PTPN13: variants seen among roughly 807,000 people sequenced by gnomAD.
The protein encoded by PTPN13 is protein tyrosine phosphatase non-receptor type 13.
Under a neutral mutation model 284.0 loss-of-function variants are expected in PTPN13, and 191 were observed. The observed-to-expected ratio is 0.67, with a 90% confidence interval of 0.60 to 0.76. PTPN13 has a LOEUF of 0.76. PTPN13 is among the 30% of genes least tolerant of loss of function. PTPN13 has a pLI of 0.00. For missense variants in PTPN13, 2,797 were observed against 2,939.9 expected (o/e 0.95, Z 1.12); for synonymous variants, 986 against 1,022.3 (o/e 0.96, Z 0.68).
At chr4:86,791,132 C>T (rs952941908) in intron 40 of PTPN13, among the ~76,000 whole-genome samples, 1 of 152,130 alleles carries the variant, frequency 6.6e-6, no homozygotes, top group Admixed American at 6.6e-5. Flanking sequence ...AATGGTATAC[C>T]CCTGACCAAA....
chr4:86,742,959 A>T (rs1736319732), intron 16 of PTPN13, among the ~76,000 whole-genome samples: 1 of 152,228 alleles, frequency 6.6e-6, no homozygotes, highest in Non-Finnish European at 1.5e-5. Flanking sequence ...GGAATAGAGA[A>T]TAGTTTGCAT....
intron 33 of PTPN13, among the ~76,000 whole-genome samples, 186 bp from the exon 34 acceptor site, chr4:86,774,985 G>A (rs1230859042): frequency 6.6e-6 from 1 of 152,048 alleles, no homozygotes; most frequent in Non-Finnish European, 1.5e-5. Context: ...TCATTGTAAT[G>A]GCTTGATCGT....
At chr4:86,725,780 C>A (rs1014790979) in intron 10 of PTPN13, among the ~76,000 whole-genome samples, 1 of 149,530 alleles carries the variant, frequency 6.7e-6, no homozygotes, top group Non-Finnish European at 1.5e-5. Flanking sequence ...CCTGTTCACG[C>A]TGATGGTAGT....
chr4:86,660,416 CTT>C (rs901039528), intron 2 of PTPN13, among the ~76,000 whole-genome samples: 1 of 151,468 alleles, frequency 6.6e-6, no homozygotes, highest in African/African-American at 2.4e-5. Flanking sequence ...AAAAAAAAGA[CTT>C]TATAGGAAAT....
At chr4:86,752,619 ATAGTAAATACTC>A (rs1737523985) in intron 19 of PTPN13, among the ~76,000 whole-genome samples, 1 of 152,166 alleles carries the variant, frequency 6.6e-6, no homozygotes, top group Non-Finnish European at 1.5e-5. Context: ...CCGAAGGAAA[ATAGTAAATACTC>A]TATAGAAAAC....
intron 15 of PTPN13, among the ~76,000 whole-genome samples, 167 bp downstream of exon 15, chr4:86,735,913 AG>A (rs1735441551): frequency 6.6e-6 from 1 of 152,178 alleles, no homozygotes; most frequent in Admixed American, 6.6e-5. Flanking sequence ...TTTGTAAAAG[AG>A]GGAAATGAGG....
At chr4:86,740,478 G>C (rs370799962) in intron 15 of PTPN13, among the ~76,000 whole-genome samples, 2 of 152,092 alleles carry the variant, frequency 1.3e-5, no homozygotes, top group African/African-American at 4.8e-5. Flanking sequence ...GGGACACAGG[G>C]CACCAAGTCC....
intron 5 of PTPN13, among the ~76,000 whole-genome samples, chr4:86,692,476 C>T (rs1159495979): frequency 1.3e-5 from 2 of 152,018 alleles, no homozygotes; most frequent in East Asian, 1.9e-4. Context: ...GTGGTATGTG[C>T]GAGTTTGTGT....
At chr4:86,654,978 C>A (rs1243582797) in intron 2 of PTPN13, among the ~76,000 whole-genome samples, 1 of 152,130 alleles carries the variant, frequency 6.6e-6, no homozygotes, top group Non-Finnish European at 1.5e-5. Context: ...TTGAATTGAT[C>A]CCTTCAACAT....
chr4:86,807,477 G>A lies in PTPN13; in HGVS notation c.6746-83G>A. 6.8e-6 allele frequency: 7 copies of A among 1,027,006 alleles called. No individual in the cohort carries two copies. The South Asian group carries it at 1.1e-4, about 17-fold the overall frequency. The allele number at this position is 1,027,006 out of a possible 1,614,324, so 63.6% of individuals were successfully genotyped here. ...ATCTGTGACTATGAGAATTTCTCAT[G>A]ATCTTTGACTCATGCAATTTGTAAG... On this transcript the variant is annotated intron_variant, in intron 44 of 47. Transcript: ENST00000411767.
intron 26 of PTPN13, 133 bp downstream of exon 26, chr4:86,765,621 A>G (rs1401945631): frequency 3.3e-6 from 2 of 611,680 alleles, no homozygotes; most frequent in East Asian, 2.9e-5. Context: ...AAACTGTAGC[A>G]TTAAGAAACT....
At chr4:86,765,329 T>G in intron 25 of PTPN13, 66 bp from the exon 26 acceptor site, 205 of 1,188,480 alleles carry the variant, frequency 1.7e-4, no homozygotes, top group Non-Finnish European at 2.2e-4. Flanking sequence ...TTTCTAGGCC[T>G]GAGATTTGAA....
At position 86,735,754 on chromosome 4, in the gene PTPN13, T is replaced by C. The variant is rs770425070; in HGVS notation, c.2304+8T>C. The C allele has an allele frequency of 3.1e-6, 5 of 1,605,378 alleles. No homozygotes were observed. Among genetic ancestry groups the C allele is most frequent in the Non-Finnish European group, 4.2e-6 (5 of 1,176,680 alleles). On this transcript the variant is annotated splice_region_variant and intron_variant, in intron 15 of 47. Coordinates refer to ENST00000411767, the MANE Select transcript of PTPN13 (RefSeq NM_080683.3). ...GAGTTAGAATTTTTAAAGGTAAGCATCCAAGATTACAAATGATAAGCTTTG... is the reference window on the plus strand; with the variant it reads ...GAGTTAGAATTTTTAAAGGTAAGCACCCAAGATTACAAATGATAAGCTTTG...
intron 5 of PTPN13, among the ~76,000 whole-genome samples, chr4:86,690,724 TC>T (rs1729936946): frequency 6.6e-6 from 1 of 151,892 alleles, no homozygotes; most frequent in South Asian, 2.1e-4. Flanking sequence ...GATATTTTTT[TC>T]TGTCTTTGAA....
Position 86,803,845 on chromosome 4 carries a change from T to C in PTPN13, c.6642T>C (p.Ser2214=). The change falls in exon 43 of 48, where the codon TCT becomes TCC. Residue 2214 remains serine, a synonymous_variant. Coordinates refer to ENST00000411767, the MANE Select transcript of PTPN13 (RefSeq NM_080683.3). Reference sequence around the variant, plus strand: ...GTTTGCTAGATCAAGGAATTCCTTCTAAGGAGCTGGAGGTAAGTGGCTTCT... The same window carrying C: ...GTTTGCTAGATCAAGGAATTCCTTCCAAGGAGCTGGAGGTAAGTGGCTTCT... ...LRGLLDQGIP[S]KELENLQELK... is the part of the protein sequence containing the mutation. The C allele has an allele frequency of 6.2e-7, 1 of 1,613,548 alleles. No homozygotes were observed. Among genetic ancestry groups the C allele is most frequent in the Non-Finnish European group, 8.5e-7 (1 of 1,179,630 alleles).
chr4:86,784,411 T>C (rs767174875), intron 37 of PTPN13, 54 bp from the exon 38 acceptor site: 5 of 1,230,950 alleles, frequency 4.1e-6, no homozygotes, highest in Non-Finnish European at 5.8e-6. Flanking sequence ...AGTCCCCCGA[T>C]CCTGGAAGTT....
intron 3 of PTPN13, among the ~76,000 whole-genome samples, chr4:86,675,679 AAAC>A (rs1351704398): frequency 1.3e-5 from 2 of 152,116 alleles, no homozygotes; most frequent in Non-Finnish European, 2.9e-5. Context: ...ATTTACCTTA[AAAC>A]TTTACTTTTC....
chr4:86,678,162 T>C (rs756073727), intron 3 of PTPN13, among the ~76,000 whole-genome samples: 18 of 152,296 alleles, frequency 1.2e-4, no homozygotes, highest in South Asian at 2.1e-4. Flanking sequence ...AAAGGTAATG[T>C]GTTGTGGGGA....
rs538231699 is a variant in PTPN13 at position 86,777,172 on chromosome 4, A to G, written c.5891+1520A>G. On this transcript the variant is annotated intron_variant, in intron 35 of 47. Transcript: ENST00000411767. ...TGGCTTAAAACAACACAAGTTTATT[A>G]TATTAACGTTCTGAAGGTCTGAAAT... Among the ~76,000 whole-genome samples, 4 of 152,350 alleles carry G rather than the reference A, an allele frequency of 2.6e-5. No individual in the cohort carries two copies. In the East Asian group the frequency reaches 5.8e-4, roughly 22 times the overall value.
Sources: gnomAD v4.1 joint callset for allele counts (sites outside exome capture counted in the v4.1 genomes callset) on GRCh38, gnomAD v4.1.1 for gene constraint, MANE v1.5 for transcripts, NCBI Gene and HGNC (gene_info 2026-07-23, HGNC 2026-07-21) for gene names.